SUGCT: variants seen among roughly 807,000 people sequenced by gnomAD.
SUGCT encodes succinyl-CoA:glutarate-CoA transferase, also known as succinyl-CoA:glutarate CoA-transferase.
A neutral mutation model predicts 55.0 loss-of-function variants in SUGCT; 41 were observed. The observed-to-expected ratio is 0.74, with a 90% confidence interval of 0.58 to 0.97. The LOEUF is 0.97. Among genes scored for constraint, SUGCT ranks in the 50% least tolerant of loss-of-function variants. The probability of loss-of-function intolerance (pLI) is 0.00; values close to 1 mark genes in which losing one functional copy is unlikely to be tolerated. For synonymous variants in SUGCT, 187 were observed against 200.4 expected, an observed-to-expected ratio of 0.93 and a Z score of 0.56; for missense variants, 568 against 547.8, an observed-to-expected ratio of 1.04 and a Z score of -0.37.
At chr7:41,000,386 C>T in the SUGCT span, among the ~76,000 whole-genome samples, 2 of 152,010 alleles carry the variant, frequency 1.3e-5, no homozygotes, top group African/African-American at 4.8e-5. Context: ...AAATGTTTTC[C>T]TACAAAGAGC....
chr7:40,616,219 G>A (rs749653814), intron 12 of SUGCT, among the ~76,000 whole-genome samples: 1 of 151,126 alleles, frequency 6.6e-6, no homozygotes, highest in Non-Finnish European at 1.5e-5. Context: ...TTTTTGAGAT[G>A]GAGTCTTACT....
At chr7:40,625,462 C>G (rs553396152) in intron 12 of SUGCT, among the ~76,000 whole-genome samples, 1 of 152,222 alleles carries the variant, frequency 6.6e-6, no homozygotes, top group African/African-American at 2.4e-5. Context: ...TTGGGCACCC[C>G]TCACTCCCTC....
At chr7:41,010,867 AT>A in the SUGCT span, among the ~76,000 whole-genome samples, 1 of 152,244 alleles carries the variant, frequency 6.6e-6, no homozygotes, top group African/African-American at 2.4e-5. Context: ...TTAAATTGGA[AT>A]GTTTGACCTG....
intron 12 of SUGCT, among the ~76,000 whole-genome samples, chr7:40,534,306 A>G (rs968685802): frequency 6.6e-6 from 1 of 152,224 alleles, no homozygotes; most frequent in Non-Finnish European, 1.5e-5. Context: ...GATAGTGTTC[A>G]GTAAGAATTT....
chr7:40,808,123 C>G (rs1253158688), intron 13 of SUGCT: 1 of 152,202 alleles, frequency 6.6e-6, no homozygotes. Flanking sequence ...TCACACATGG[C>G]TACTCCACCC....
At chr7:40,432,451 G>A (rs549329639) in intron 9 of SUGCT, among the ~76,000 whole-genome samples, 1 of 152,218 alleles carries the variant, frequency 6.6e-6, no homozygotes, top group Admixed American at 6.5e-5. Context: ...ACTTTGGGAG[G>A]CCGAGGTGGG....
Position 40,285,034 on chromosome 7 carries a change from C to T in SUGCT, c.720+10378C>T, listed in dbSNP as rs142908886. Among the ~76,000 whole-genome samples, 678 of 152,176 alleles carry T rather than the reference C, an allele frequency of 4.5e-3. 1 individual carries two copies. The highest frequency in any genetic ancestry group is 0.016 in the African/African-American group (653 of 41,532). ...GATATGAACTACAAATGAGGAAAATCAGGTCTTCAACTTGTGATAATTGAT... is the reference window on the plus strand; with the variant it reads ...GATATGAACTACAAATGAGGAAAATTAGGTCTTCAACTTGTGATAATTGAT... On this transcript the variant is annotated intron_variant, in intron 8 of 13. Coordinates refer to ENST00000335693, the MANE Select transcript of SUGCT (RefSeq NM_001193313.2).
intron 12 of SUGCT, among the ~76,000 whole-genome samples, chr7:40,553,186 G>A (rs968718164): frequency 1.3e-5 from 2 of 152,152 alleles, no homozygotes; most frequent in African/African-American, 4.8e-5. Flanking sequence ...TTGTCATGCT[G>A]TATACGTTCT....
At chr7:40,187,743 G>A (rs1186348379) in intron 3 of SUGCT, among the ~76,000 whole-genome samples, 1 of 152,174 alleles carries the variant, frequency 6.6e-6, no homozygotes, top group Admixed American at 6.5e-5. Flanking sequence ...GAACTAGCCC[G>A]GCCAATATTG....
chr7:40,729,596 T>G (rs1192389139), intron 12 of SUGCT, among the ~76,000 whole-genome samples: 1 of 152,150 alleles, frequency 6.6e-6, no homozygotes, highest in Non-Finnish European at 1.5e-5. Flanking sequence ...TGTTTGATGT[T>G]GCATTTGGGT....
chr7:40,913,589 A>G, the SUGCT span, among the ~76,000 whole-genome samples: 1 of 152,202 alleles, frequency 6.6e-6, no homozygotes, highest in Non-Finnish European at 1.5e-5. Context: ...GCTGCCTACC[A>G]AATAATCTCA....
the SUGCT span, among the ~76,000 whole-genome samples, chr7:40,919,505 A>T: frequency 6.6e-6 from 1 of 152,214 alleles, no homozygotes; most frequent in Non-Finnish European, 1.5e-5. Flanking sequence ...TGTATACAGA[A>T]GTGTTGTAAC....
intron 12 of SUGCT, among the ~76,000 whole-genome samples, chr7:40,638,274 G>T (rs1210675315): frequency 6.6e-6 from 1 of 152,078 alleles, no homozygotes; most frequent in Non-Finnish European, 1.5e-5. Context: ...AATTCAAGTG[G>T]TTTATTTTTT....
At chr7:41,024,394 A>G in the SUGCT span, among the ~76,000 whole-genome samples, 1 of 152,186 alleles carries the variant, frequency 6.6e-6, no homozygotes, top group African/African-American at 2.4e-5. Flanking sequence ...GGCAATCCAA[A>G]CTTAGTGAAA....
intron 12 of SUGCT, among the ~76,000 whole-genome samples, chr7:40,715,940 C>A (rs774253195): frequency 6.6e-6 from 1 of 152,152 alleles, no homozygotes; most frequent in African/African-American, 2.4e-5. Flanking sequence ...CATTTTGTAG[C>A]GCTTGTTATT....
At chr7:40,898,496 G>GGGC in the SUGCT span, among the ~76,000 whole-genome samples, 6 of 101,948 alleles carry the variant, frequency 5.9e-5, 1 homozygote, top group Non-Finnish European at 9.1e-5. Flanking sequence ...GGGGGGGGGG[G>GGGC]GTGGATCACG....
chr7:40,306,601 G>A (rs532654314), intron 8 of SUGCT, among the ~76,000 whole-genome samples: 1 of 152,152 alleles, frequency 6.6e-6, no homozygotes, highest in Non-Finnish European at 1.5e-5. Flanking sequence ...GTAGAATAAT[G>A]TAATATTTTA....
intron 7 of SUGCT, among the ~76,000 whole-genome samples, chr7:40,242,154 G>C (rs1789446829): frequency 6.6e-6 from 1 of 150,930 alleles, no homozygotes; most frequent in Non-Finnish European, 1.5e-5. Context: ...GGTATGTTTT[G>C]ACAAACTCTT....
At chr7:40,632,876 G>A (rs972196318) in intron 12 of SUGCT, among the ~76,000 whole-genome samples, 1 of 152,154 alleles carries the variant, frequency 6.6e-6, no homozygotes, top group African/African-American at 2.4e-5. Flanking sequence ...CCTAAATTTA[G>A]TGACCTGTAC....
Sources: allele counts gnomAD v4.1 joint callset (sites outside exome capture counted in the v4.1 genomes callset), GRCh38; gene constraint gnomAD v4.1.1; transcripts MANE v1.5; gene names NCBI Gene and HGNC (gene_info 2026-07-23, HGNC 2026-07-21).